The following CDH12 variants were observed in gnomAD, a reference collection of about 807,000 sequenced individuals.
CDH12 encodes cadherin-12.
In CDH12, 41 loss-of-function variants were observed where a neutral mutation model predicts 74.1. That is an observed-to-expected ratio of 0.55 (90% CI 0.43 to 0.72). The LOEUF is 0.72. CDH12 is among the 30% of genes least tolerant of loss of function. The pLI is 0.00. For synonymous variants in CDH12, 399 were observed against 355.0 expected (o/e 1.12, Z -1.39); for missense variants, 945 against 977.2 (o/e 0.97, Z 0.44).
intron 1 of CDH12, among the ~76,000 whole-genome samples, chr5:22,703,171 A>T (rs1245931721): frequency 6.6e-6 from 1 of 152,142 alleles, no homozygotes; most frequent in Non-Finnish European, 1.5e-5. Flanking sequence ...TCAGTTGTTA[A>T]AAAAGCACCC....
chr5:21,985,420 T>C (rs999451217), intron 5 of CDH12, among the ~76,000 whole-genome samples: 11 of 152,096 alleles, frequency 7.2e-5, no homozygotes, highest in Admixed American at 7.2e-4. Context: ...GTAAGGGATA[T>C]GTTTCTTGTA....
chr5:22,310,878 C>A (rs367862074), intron 3 of CDH12, among the ~76,000 whole-genome samples: 2 of 152,048 alleles, frequency 1.3e-5, no homozygotes, highest in Non-Finnish European at 2.9e-5. Context: ...ACTCACCATC[C>A]GAAGTCTCAG....
rs1463784148 is a variant in CDH12, at chr5:21,833,313, T to TAAC, written c.814+8847_814+8848insGTT. Among the ~76,000 whole-genome samples, 44 of 34,820 alleles carry TAAC rather than the reference T, an allele frequency of 1.3e-3. 17 individuals carry two copies. In the African/African-American group the frequency reaches 0.03, roughly 24 times the overall value. 22.8% of individuals were successfully genotyped at this position (34,820 alleles called of 152,430 possible). On this transcript the variant is annotated intron_variant, in intron 8 of 14. Transcript: ENST00000382254. ...CATATAATATATATTATATGTTATA[T>TAAC]GTTATATAATATATATTATATATTA...
chr5:22,183,661 G>T (rs973996169), intron 4 of CDH12, among the ~76,000 whole-genome samples: 2 of 152,006 alleles, frequency 1.3e-5, no homozygotes, highest in African/African-American at 4.8e-5. Context: ...CCCTGACCTT[G>T]CCATAAGAAG....
chr5:21,821,785 C>A (rs1223173028), intron 8 of CDH12, among the ~76,000 whole-genome samples: 8 of 151,900 alleles, frequency 5.3e-5, no homozygotes, highest in African/African-American at 1.9e-4. Flanking sequence ...TAGCACTGAA[C>A]TATTGATTCA....
intron 4 of CDH12, among the ~76,000 whole-genome samples, chr5:22,158,670 G>A (rs1748164548): frequency 6.6e-6 from 1 of 151,984 alleles, no homozygotes; most frequent in South Asian, 2.1e-4. Context: ...TATTAGCCGT[G>A]TACACCTTAC....
intron 3 of CDH12, among the ~76,000 whole-genome samples, chr5:22,387,289 TAAAA>T (rs960280391): frequency 3.9e-5 from 6 of 152,024 alleles, no homozygotes; most frequent in Non-Finnish European, 8.8e-5. Flanking sequence ...TTTTTAAATT[TAAAA>T]AAATGTAATG....
intron 4 of CDH12, among the ~76,000 whole-genome samples, chr5:22,154,441 ATACACATATATATG>A (rs1197224217): frequency 2.1e-3 from 170 of 81,690 alleles, no homozygotes; most frequent in African/African-American, 7.2e-3. Context: ...TAGTGAATAT[ATACACATATATATG>A]TACACATATA....
intron 2 of CDH12, among the ~76,000 whole-genome samples, chr5:22,468,080 C>CG (rs1745806414): frequency 6.6e-6 from 1 of 152,106 alleles, no homozygotes; most frequent in African/African-American, 2.4e-5. Context: ...GGACCCAATA[C>CG]CCCCACCAGT....
intron 6 of CDH12, among the ~76,000 whole-genome samples, chr5:21,904,073 C>A (rs1286058639): frequency 6.6e-6 from 1 of 152,166 alleles, no homozygotes; most frequent in Non-Finnish European, 1.5e-5. Context: ...TCTGTAGTCT[C>A]TTCTCTTTCT....
intron 3 of CDH12, among the ~76,000 whole-genome samples, chr5:22,320,902 C>T (rs563057974): frequency 4.8e-4 from 73 of 152,288 alleles, no homozygotes; most frequent in Non-Finnish European, 9.3e-4. Flanking sequence ...GGGGTCAGAA[C>T]ATATTTTGAA....
chr5:22,849,996 T>C (rs960839728), intron 1 of CDH12, among the ~76,000 whole-genome samples: 3 of 152,076 alleles, frequency 2.0e-5, no homozygotes, highest in African/African-American at 7.2e-5. Flanking sequence ...TTTTCAATAA[T>C]TTAACAGGTG....
At chr5:21,758,319 C>T (rs1744518083) in intron 13 of CDH12, among the ~76,000 whole-genome samples, 1 of 151,988 alleles carries the variant, frequency 6.6e-6, no homozygotes, top group African/African-American at 2.4e-5. Flanking sequence ...ATATTTTATT[C>T]AAACTCTACT....
chr5:22,310,325 G>T (rs1738329050), intron 3 of CDH12, among the ~76,000 whole-genome samples: 1 of 151,906 alleles, frequency 6.6e-6, no homozygotes, highest in Non-Finnish European at 1.5e-5. Flanking sequence ...AGCCAGACAT[G>T]ATGGCAGACA....
chr5:22,577,000 T>C (rs1302223264), intron 1 of CDH12, among the ~76,000 whole-genome samples: 1 of 152,108 alleles, frequency 6.6e-6, no homozygotes, highest in Non-Finnish European at 1.5e-5. Context: ...ATGATATTAA[T>C]ATTAAAAAAA....
intron 5 of CDH12, among the ~76,000 whole-genome samples, chr5:22,041,828 A>C (rs942494659): frequency 6.6e-6 from 1 of 152,146 alleles, no homozygotes; most frequent in Non-Finnish European, 1.5e-5. Context: ...GTATATAAAA[A>C]ATTTCTTACT....
intron 1 of CDH12, among the ~76,000 whole-genome samples, chr5:22,544,676 G>A (rs1477124411): frequency 6.6e-6 from 1 of 152,036 alleles, no homozygotes; most frequent in African/African-American, 2.4e-5. Context: ...AATTAGCCAG[G>A]TGCAGTGGCA....
chr5:21,880,513 C>T (rs55664853), intron 6 of CDH12, among the ~76,000 whole-genome samples: 5 of 54,358 alleles, frequency 9.2e-5, no homozygotes, highest in Admixed American at 2.5e-4. Flanking sequence ...CTCCCTCCCT[C>T]CCTCTTTTCT....
At chr5:21,980,887 T>C (rs1304514552) in intron 5 of CDH12, among the ~76,000 whole-genome samples, 1 of 152,162 alleles carries the variant, frequency 6.6e-6, no homozygotes. Flanking sequence ...AATATGAATT[T>C]ATTACATCAG....
Sources: allele counts gnomAD v4.1 joint callset (sites outside exome capture counted in the v4.1 genomes callset), GRCh38; gene constraint gnomAD v4.1.1; transcripts MANE v1.5; gene names NCBI Gene and HGNC (gene_info 2026-07-23, HGNC 2026-07-21).